RGS8: variants seen among roughly 807,000 people sequenced by gnomAD.
RGS8 encodes the protein regulator of G-protein signaling 8.
In RGS8, 8 loss-of-function variants were observed where a neutral mutation model predicts 21.7. The observed-to-expected ratio is 0.37, with a 90% CI of 0.22 to 0.66. The LOEUF (loss-of-function observed/expected upper bound fraction) is 0.66, where lower values mean the gene tolerates loss of function less well. RGS8 is among the 30% of genes least tolerant of loss of function. The probability of loss-of-function intolerance (pLI) is 0.59; values close to 1 mark genes in which losing one functional copy is unlikely to be tolerated. For synonymous variants in RGS8, 80 were observed against 83.6 expected, an observed-to-expected ratio of 0.96 and a Z score of 0.24; for missense variants, 157 against 217.9, an observed-to-expected ratio of 0.72 and a Z score of 1.76.
chr1:182,649,283 C>T (rs981090204), intron 5 of RGS8, among the ~76,000 whole-genome samples: 1 of 152,148 alleles, frequency 6.6e-6, no homozygotes, highest in South Asian at 2.1e-4. Context: ...AGGAAACACA[C>T]AACTTGTTAC....
chr1:182,657,684 T>G (rs1357312627), intron 5 of RGS8, among the ~76,000 whole-genome samples: 1 of 152,204 alleles, frequency 6.6e-6, no homozygotes, highest in Non-Finnish European at 1.5e-5. Context: ...ACTTAACATC[T>G]CTGTGCCTCA....
exon 6 of RGS8, chr1:182,648,224 C>T: frequency 1.2e-6 from 2 of 1,613,796 alleles, no homozygotes; most frequent in Non-Finnish European, 1.7e-6. Context: ...TCTTCTTGAA[C>T]TCCTCACAGG....
intron 5 of RGS8, among the ~76,000 whole-genome samples, chr1:182,655,608 C>G (rs1368096935): frequency 2.0e-5 from 3 of 152,186 alleles, no homozygotes; most frequent in Admixed American, 2.0e-4. Context: ...TGACCAAAAT[C>G]AGCCCTATCA....
chr1:182,698,909 CAT>C, the RGS8 span, among the ~76,000 whole-genome samples: 17 of 152,124 alleles, frequency 1.1e-4, no homozygotes, highest in East Asian at 1.9e-4. Context: ...TGTGTGCACA[CAT>C]GTCTCCGTAA....
chr1:182,731,483 T>G, the RGS8 span, among the ~76,000 whole-genome samples: 11 of 152,232 alleles, frequency 7.2e-5, no homozygotes, highest in Non-Finnish European at 1.5e-4. Flanking sequence ...AACATTTCCT[T>G]AGAGCTAGAA....
chr1:182,649,039 G>A (rs1662854606), intron 5 of RGS8, among the ~76,000 whole-genome samples: 1 of 152,104 alleles, frequency 6.6e-6, no homozygotes, highest in African/African-American at 2.4e-5. Flanking sequence ...GTCAGAGGTT[G>A]CAGTGAGCCG....
chr1:182,668,230 T>C (rs1283831393), intron 3 of RGS8, among the ~76,000 whole-genome samples: 4 of 152,200 alleles, frequency 2.6e-5, no homozygotes, highest in Admixed American at 1.3e-4. Flanking sequence ...CTATGACAAC[T>C]CCTTGTGTTG....
chr1:182,665,818 T>C, intron 5 of RGS8, 151 bp downstream of exon 6: 1 of 568,826 alleles, frequency 1.8e-6, no homozygotes, highest in Non-Finnish European at 3.2e-6. Context: ...CTTTTCTATA[T>C]GCTCCTCTAG....
chr1:182,670,752 T>C (rs575897623), intron 2 of RGS8, among the ~76,000 whole-genome samples: 176 of 152,332 alleles, frequency 1.2e-3, no homozygotes, highest in African/African-American at 3.8e-3. Flanking sequence ...ATTAAAAGAT[T>C]GCTTTGTTAA....
At chr1:182,711,810 C>T in the RGS8 span, among the ~76,000 whole-genome samples, 1 of 152,194 alleles carries the variant, frequency 6.6e-6, no homozygotes, top group Non-Finnish European at 1.5e-5. Flanking sequence ...GATCTCACCA[C>T]CTTGAACAGC....
chr1:182,672,917 G>A (rs2102448194), upstream of RGS8: 2 of 1,426,168 alleles, frequency 1.4e-6, no homozygotes, highest in South Asian at 2.3e-5. Context: ...CCCTGAACCA[G>A]CAGTGTCAGC....
chr1:182,716,126 G>GTTTT, the RGS8 span, among the ~76,000 whole-genome samples: 1 of 146,136 alleles, frequency 6.8e-6, no homozygotes, highest in Non-Finnish European at 1.5e-5. Flanking sequence ...CTGTTTTTTG[G>GTTTT]TTTTTTTTTT....
At chr1:182,706,900 T>C in the RGS8 span, among the ~76,000 whole-genome samples, 3 of 152,094 alleles carry the variant, frequency 2.0e-5, no homozygotes. Context: ...ATTTTTTTTC[T>C]AAAACTAAGT....
At chr1:182,669,567 A>G in intron 3 of RGS8, 57 bp downstream of exon 4, 1 of 1,613,268 alleles carries the variant, frequency 6.2e-7, no homozygotes, top group East Asian at 2.2e-5. Flanking sequence ...AGGGTGTGAC[A>G]AGGTGGAGAA....
At chr1:182,699,999 G>T in the RGS8 span, among the ~76,000 whole-genome samples, 1 of 152,208 alleles carries the variant, frequency 6.6e-6, no homozygotes, top group Non-Finnish European at 1.5e-5. Flanking sequence ...GGAGACTGGA[G>T]GGGCTCACAG....
At chr1:182,683,781 A>C (rs1407781626) in intron 1 of RGS8, among the ~76,000 whole-genome samples, 1 of 152,108 alleles carries the variant, frequency 6.6e-6, no homozygotes, top group African/African-American at 2.4e-5. Flanking sequence ...ATCTCCCTCC[A>C]ACTCATTGTG....
intron 5 of RGS8, among the ~76,000 whole-genome samples, chr1:182,652,299 C>CA (rs1663058184): frequency 6.6e-6 from 1 of 152,208 alleles, no homozygotes. Context: ...CTTCATGGTA[C>CA]TTGTAAAGAT....
chr1:182,731,823 T>C, the RGS8 span, among the ~76,000 whole-genome samples: 2 of 152,272 alleles, frequency 1.3e-5, no homozygotes, highest in African/African-American at 4.8e-5. Context: ...AGATTTCTCA[T>C]CACTGCCACT....
chr1:182,703,512 C>T, the RGS8 span, among the ~76,000 whole-genome samples: 1,752 of 152,248 alleles, frequency 0.012, 39 homozygotes, highest in African/African-American at 0.039. Context: ...TTCAATTCAC[C>T]ACAACTTCAG....
Sources: allele counts gnomAD v4.1 joint callset (sites outside exome capture counted in the v4.1 genomes callset), GRCh38; gene constraint gnomAD v4.1.1; transcripts MANE v1.5; gene names NCBI Gene and HGNC (gene_info 2026-07-23, HGNC 2026-07-21).